The following FSHR variants were observed in gnomAD, a reference collection of about 807,000 sequenced individuals.
FSHR encodes follicle stimulating hormone receptor, also known as follicle-stimulating hormone receptor.
Under a neutral mutation model 52.1 loss-of-function variants are expected in FSHR, and 46 were observed. That is an observed-to-expected ratio of 0.88 (90% confidence interval 0.70 to 1.13). FSHR has a LOEUF of 1.13. FSHR is among the 50% of genes most tolerant of loss of function. The pLI is 0.00. For synonymous variants in FSHR, 399 were observed against 309.6 expected (o/e 1.29, Z -3.03); for missense variants, 964 against 834.6 (o/e 1.16, Z -1.91).
At chr2:49,000,787 C>A (rs570701150) in intron 4 of FSHR, among the ~76,000 whole-genome samples, 1 of 152,038 alleles carries the variant, frequency 6.6e-6, no homozygotes, top group African/African-American at 2.4e-5. Flanking sequence ...CATAGCTGCT[C>A]CCTCTAGCTT....
chr2:49,109,768 T>G (rs908689829), intron 1 of FSHR, among the ~76,000 whole-genome samples: 1 of 152,144 alleles, frequency 6.6e-6, no homozygotes, highest in African/African-American at 2.4e-5. Flanking sequence ...GCCATTATGA[T>G]GGGGAGATGG....
At chr2:49,033,652 C>T (rs1056688745) in intron 2 of FSHR, among the ~76,000 whole-genome samples, 1 of 152,076 alleles carries the variant, frequency 6.6e-6, no homozygotes, top group African/African-American at 2.4e-5. Flanking sequence ...CATGGCGAGC[C>T]TTTCACCCTG....
chr2:49,052,522 T>A (rs550681347), intron 2 of FSHR, among the ~76,000 whole-genome samples: 1 of 152,298 alleles, frequency 6.6e-6, no homozygotes, highest in African/African-American at 2.4e-5. Context: ...AATAAAAATA[T>A]CTGGAAGTGA....
chr2:48,986,393 C>CT (rs34394877), intron 6 of FSHR, among the ~76,000 whole-genome samples: 18,141 of 123,964 alleles, frequency 0.15, 1,934 homozygotes, highest in East Asian at 0.29. Context: ...ATTTGCCATG[C>CT]TTTTTTTTTT....
intron 6 of FSHR, among the ~76,000 whole-genome samples, chr2:48,987,606 C>T (rs939705823): frequency 6.6e-6 from 1 of 152,104 alleles, no homozygotes; most frequent in African/African-American, 2.4e-5. Flanking sequence ...CTAACTACTG[C>T]TCATCTTTAA....
In FSHR at chr2:49,087,471, G is replaced by T. The variant is rs74378713; in HGVS notation, c.153-19181C>A. On this transcript the variant is annotated intron_variant, in intron 1 of 9. Transcript: ENST00000406846. ...TGTTCCTATTCATATGTCTGACACTGCGCTAGGCCCTGAGGACATATGATA... is the reference window on the plus strand; with the variant it reads ...TGTTCCTATTCATATGTCTGACACTTCGCTAGGCCCTGAGGACATATGATA... Among the ~76,000 whole-genome samples, 101 of 152,228 alleles carry T rather than the reference G, an allele frequency of 6.6e-4. 3 individuals carry two copies. The East Asian group carries it at 0.016, about 24-fold the overall frequency.
chr2:49,042,333 C>T (rs538572559), intron 2 of FSHR, among the ~76,000 whole-genome samples: 35 of 152,102 alleles, frequency 2.3e-4, no homozygotes, highest in African/African-American at 8.0e-4. Context: ...CCAAACCAGA[C>T]TAGATAACAA....
At chr2:49,119,763 A>G (rs1671742730) in intron 1 of FSHR, among the ~76,000 whole-genome samples, 1 of 152,208 alleles carries the variant, frequency 6.6e-6, no homozygotes, top group Non-Finnish European at 1.5e-5. Context: ...AAACGAACAA[A>G]GGAATCCAGA....
intron 1 of FSHR, among the ~76,000 whole-genome samples, chr2:49,090,954 ATTTT>A (rs1178245927): frequency 2.0e-5 from 3 of 151,576 alleles, no homozygotes; most frequent in Non-Finnish European, 4.4e-5. Flanking sequence ...GATTAAAAAA[ATTTT>A]TTTTCTTGTT....
chr2:49,038,698 G>C (rs1668382133), intron 2 of FSHR, among the ~76,000 whole-genome samples: 1 of 149,376 alleles, frequency 6.7e-6, no homozygotes, highest in Admixed American at 6.7e-5. Flanking sequence ...TTAAACACAA[G>C]ATACAACTAA....
At chr2:48,985,488 C>G (rs78815180) in intron 6 of FSHR, among the ~76,000 whole-genome samples, 74 of 152,194 alleles carry the variant, frequency 4.9e-4, no homozygotes, top group African/African-American at 1.8e-3. Context: ...AGGTGCTTTC[C>G]CCATTCAGGC....
At chr2:49,109,045 G>T (rs1404393102) in intron 1 of FSHR, among the ~76,000 whole-genome samples, 1 of 152,132 alleles carries the variant, frequency 6.6e-6, no homozygotes, top group East Asian at 1.9e-4. Context: ...GAGAGCAGAG[G>T]AAGCAAATCT....
chr2:49,074,492 A>G (rs1221210894), intron 1 of FSHR, among the ~76,000 whole-genome samples: 1 of 152,152 alleles, frequency 6.6e-6, no homozygotes, highest in Admixed American at 6.5e-5. Flanking sequence ...TAGGATGGCT[A>G]TCCTCAAAAG....
intron 2 of FSHR, among the ~76,000 whole-genome samples, chr2:49,048,498 A>G (rs11898099): frequency 0.022 from 3,277 of 152,280 alleles, 123 homozygotes; most frequent in African/African-American, 0.075. Flanking sequence ...ATAAATGGGA[A>G]ACAGAGCAAA....
Position 49,064,364 on chromosome 2 carries a change from G to T in FSHR, c.224+3855C>A, listed in dbSNP as rs1669427777. ...CCACACCACAAGGGCCCATCCCCAT[G>T]AAGAGATTAGTGTTGCCATTAAAAA... On this transcript the variant is annotated intron_variant, in intron 2 of 9. Transcript: ENST00000406846. Among the ~76,000 whole-genome samples, 3 of 151,870 alleles carry T rather than the reference G, an allele frequency of 2.0e-5. No homozygotes were observed. The South Asian group carries it at 6.2e-4, about 32-fold the overall frequency.
At chr2:49,039,638 AT>A (rs1668410647) in intron 2 of FSHR, among the ~76,000 whole-genome samples, 1 of 152,186 alleles carries the variant, frequency 6.6e-6, no homozygotes, top group Non-Finnish European at 1.5e-5. Flanking sequence ...TGGTAGCTGA[AT>A]CCTTTCCACT....
chr2:48,994,867 A>G (rs1675952443), intron 4 of FSHR, among the ~76,000 whole-genome samples: 1 of 152,130 alleles, frequency 6.6e-6, no homozygotes, highest in African/African-American at 2.4e-5. Flanking sequence ...TTTACATTCT[A>G]AGTTGATGTT....
chr2:49,145,173 A>G (rs538661910), intron 1 of FSHR, among the ~76,000 whole-genome samples: 3 of 152,268 alleles, frequency 2.0e-5, no homozygotes, highest in Non-Finnish European at 4.4e-5. Flanking sequence ...AAAGAAAACA[A>G]TGCAGCCTAC....
At chr2:49,127,243 G>A (rs1311491813) in intron 1 of FSHR, among the ~76,000 whole-genome samples, 5 of 151,702 alleles carry the variant, frequency 3.3e-5, no homozygotes, top group East Asian at 1.9e-4. Context: ...CAGGAGAATC[G>A]CTTGAACCTG....
Sources: gnomAD v4.1 joint callset for allele counts (sites outside exome capture counted in the v4.1 genomes callset) on GRCh38, gnomAD v4.1.1 for gene constraint, MANE v1.5 for transcripts, NCBI Gene and HGNC (gene_info 2026-07-23, HGNC 2026-07-21) for gene names.